Variants in AIG1 observed in about 807,000 individuals in gnomAD.
The protein encoded by AIG1 is androgen induced 1.
In AIG1, 23 loss-of-function variants were observed where a neutral mutation model predicts 31.4. The ratio of observed to expected loss-of-function variants is 0.73; its 90% CI spans 0.53 to 1.04. The LOEUF is 1.04. AIG1 is among the 50% of genes least tolerant of loss of function. The probability of loss-of-function intolerance (pLI) is 0.00; values close to 1 mark genes in which losing one functional copy is unlikely to be tolerated. For synonymous variants in AIG1, 100 were observed against 110.5 expected (o/e 0.90, Z 0.60); for missense variants, 274 against 295.0 (o/e 0.93, Z 0.52).
intron 1 of AIG1, among the ~76,000 whole-genome samples, chr6:143,067,293 G>T (rs1234758249): frequency 6.6e-6 from 1 of 152,140 alleles, no homozygotes; most frequent in East Asian, 1.9e-4. Flanking sequence ...AAAGCCAAAG[G>T]CATGGTCTTA....
rs1288543315 is a variant in AIG1 at position 143,171,515 on chromosome 6, A to T, written c.399+6332A>T. ...TATATAATATATATTTAATATATAT[A>T]ATATATATATTTAATATATATATTA... On this transcript the variant is annotated intron_variant, in intron 3 of 5. Transcript: ENST00000357847. Among the ~76,000 whole-genome samples, 13 of 128,636 alleles carry T rather than the reference A, an allele frequency of 1.0e-4. No individual in the cohort carries two copies. In the East Asian group the frequency reaches 2.1e-3, roughly 21 times the overall value. 84.4% of individuals were successfully genotyped at this position (128,636 alleles called of 152,430 possible).
At chr6:143,206,675 C>T (rs1233742781) in intron 3 of AIG1, among the ~76,000 whole-genome samples, 1 of 152,000 alleles carries the variant, frequency 6.6e-6, no homozygotes, top group African/African-American at 2.4e-5. Context: ...TAAAAAGATA[C>T]AAAAACAAAA....
rs9386023 is a variant in AIG1, at chr6:143,138,388, A to G, written c.297+1398A>G. 3.0e-3 allele frequency among the ~76,000 whole-genome samples: 451 copies of G among 152,334 alleles called. 14 individuals carry two copies. In the East Asian group the frequency reaches 0.054, roughly 18 times the overall value. On this transcript the variant is annotated intron_variant, in intron 2 of 5. Coordinates refer to ENST00000357847, the MANE Select transcript of AIG1 (RefSeq NM_016108.4). ...CCATTAGCATAAAGCACAAAGATAC[A>G]TACTTTCTGCATAAAAGAATTATCT...
At chr6:143,194,121 T>C (rs1041829061) in intron 3 of AIG1, among the ~76,000 whole-genome samples, 1 of 152,206 alleles carries the variant, frequency 6.6e-6, no homozygotes, top group African/African-American at 2.4e-5. Flanking sequence ...ATAAAAATAC[T>C]ACTGGAGACT....
intron 3 of AIG1, among the ~76,000 whole-genome samples, chr6:143,184,398 A>T (rs542849801): frequency 1.3e-5 from 2 of 152,194 alleles, no homozygotes; most frequent in East Asian, 3.9e-4. Flanking sequence ...TGATCCAGCT[A>T]CCCCGTGGGC....
intron 1 of AIG1, among the ~76,000 whole-genome samples, chr6:143,068,193 T>C (rs560129081): frequency 3.9e-4 from 59 of 152,300 alleles, no homozygotes; most frequent in African/African-American, 9.9e-4. Flanking sequence ...TTTGGCAAAA[T>C]TGGTAACTGC....
At chr6:143,123,629 T>C (rs188549713) in intron 1 of AIG1, among the ~76,000 whole-genome samples, 19 of 152,328 alleles carry the variant, frequency 1.2e-4, no homozygotes, top group African/African-American at 4.3e-4. Flanking sequence ...TTAGGCAGTT[T>C]GTTTTCCCTG....
chr6:143,141,001 C>G (rs775740936), intron 2 of AIG1, among the ~76,000 whole-genome samples: 6 of 152,224 alleles, frequency 3.9e-5, no homozygotes, highest in African/African-American at 4.8e-5. Context: ...TGGCTATTAT[C>G]TACTGTCTTT....
At chr6:143,153,221 G>T (rs1785411884) in intron 2 of AIG1, among the ~76,000 whole-genome samples, 1 of 152,198 alleles carries the variant, frequency 6.6e-6, no homozygotes, top group Non-Finnish European at 1.5e-5. Flanking sequence ...CAAGACCCAG[G>T]TATCAGTTAG....
At chr6:143,161,727 G>GA (rs1281876993) in intron 2 of AIG1, among the ~76,000 whole-genome samples, 1 of 151,894 alleles carries the variant, frequency 6.6e-6, no homozygotes, top group Admixed American at 6.6e-5. Context: ...TGAAAAAATG[G>GA]AAAAATTCAG....
chr6:143,193,476 T>A (rs953249242), intron 3 of AIG1, among the ~76,000 whole-genome samples: 2 of 152,234 alleles, frequency 1.3e-5, no homozygotes, highest in Admixed American at 1.3e-4. Flanking sequence ...TGGTGTAAAT[T>A]CCACAAAGCT....
intron 2 of AIG1, among the ~76,000 whole-genome samples, chr6:143,154,696 G>A (rs963746527): frequency 6.6e-6 from 1 of 152,096 alleles, no homozygotes; most frequent in Non-Finnish European, 1.5e-5. Flanking sequence ...TTATAGTATC[G>A]TATCAATGTT....
chr6:143,177,680 G>A (rs1186925803), intron 3 of AIG1, among the ~76,000 whole-genome samples: 2 of 152,132 alleles, frequency 1.3e-5, no homozygotes, highest in Non-Finnish European at 2.9e-5. Context: ...TGGGGGCTCC[G>A]GCAGTAGGGA....
intron 1 of AIG1, among the ~76,000 whole-genome samples, chr6:143,091,292 C>T (rs1779284430): frequency 6.6e-6 from 1 of 152,176 alleles, no homozygotes; most frequent in Non-Finnish European, 1.5e-5. Flanking sequence ...GACATTTTGA[C>T]TTCCTCCCAT....
rs1776949767 is a variant in AIG1 at position 143,330,057 on chromosome 6, A to G, written c.516-3225A>G. Among the ~76,000 whole-genome samples the G allele has an allele frequency of 6.6e-6, 1 of 152,190 alleles. No homozygotes were observed. Among genetic ancestry groups the G allele is most frequent in the Admixed American group, 6.5e-5 (1 of 15,276 alleles). On this transcript the variant is annotated intron_variant, in intron 4 of 5. Transcript: ENST00000357847. This position sits in a 1 kb window ranked among gnomAD's most constrained non-coding sequence, Gnocchi z 4.4. ...AAGTTATTGGCGAAGTGCCTGCCAT[A>G]TAGTAATGGCTCAATAAACAGATGT...
Position 143,215,383 on chromosome 6 carries a change from A to G in AIG1, c.399+50200A>G, listed in dbSNP as rs117839779. On this transcript the variant is annotated intron_variant, in intron 3 of 5. Transcript: ENST00000357847. Reference sequence around the variant, plus strand: ...CACTTTCTCCTTTCTCCAGAACAATAGACTCTTATTTTTATCTGGGTATGT... The same window carrying G: ...CACTTTCTCCTTTCTCCAGAACAATGGACTCTTATTTTTATCTGGGTATGT... Among the ~76,000 whole-genome samples, 16 of 152,272 alleles carry G rather than the reference A, an allele frequency of 1.1e-4. No individual in the cohort carries two copies. The East Asian group carries it at 2.9e-3, about 28-fold the overall frequency.
chr6:143,334,085 A>G lies in AIG1; in HGVS notation c.679+640A>G, dbSNP rs578080905. 23 of 1,550,514 alleles carry G rather than the reference A, an allele frequency of 1.5e-5. No homozygotes were observed. The highest frequency in any genetic ancestry group is 1.2e-4 in the East Asian group (5 of 40,914). ...TGTTTCCATTTATGGCAGAGCCTCC[A>G]TCTTGGCAAGGCACGTAATCTTATC... On this transcript the variant is annotated intron_variant, in intron 5 of 5. Transcript: ENST00000357847. This position sits in a 1 kb window ranked among gnomAD's most constrained non-coding sequence, Gnocchi z 5.1.
chr6:143,335,094 C>A (rs1171087907), intron 5 of AIG1: 1 of 1,442,100 alleles, frequency 6.9e-7, no homozygotes, highest in Admixed American at 2.6e-5. Context: ...CTAGTTAGTT[C>A]CACAAAGACA....
intron 3 of AIG1, among the ~76,000 whole-genome samples, chr6:143,175,485 GC>G (rs1181011945): frequency 3.3e-5 from 5 of 152,158 alleles, no homozygotes; most frequent in African/African-American, 1.2e-4. Context: ...ACTTCTTGGA[GC>G]CTTTATTCAT....
Sources: gnomAD v4.1 joint callset for allele counts (sites outside exome capture counted in the v4.1 genomes callset) on GRCh38, gnomAD v4.1.1 for gene constraint, Gnocchi (gnomAD v3.1) non-coding constraint, MANE v1.5 for transcripts, NCBI Gene and HGNC (gene_info 2026-07-23, HGNC 2026-07-21) for gene names.